Variants in STON1 observed in about 807,000 individuals in gnomAD.
STON1 encodes stonin-1.
In STON1, 79 loss-of-function variants were observed where a neutral mutation model predicts 60.9. The observed-to-expected ratio is 1.30, with a 90% CI of 1.08 to 1.56. The LOEUF is 1.56. Among genes scored for constraint, STON1 ranks in the 40% most tolerant of loss-of-function variants. STON1 has a pLI of 0.00. For synonymous variants in STON1, 363 were observed against 306.9 expected (o/e 1.18, Z -1.91); for missense variants, 1,166 against 858.9 (o/e 1.36, Z -4.47).
At chr2:48,553,020 TC>T (rs1400329484) in intron 1 of STON1, among the ~76,000 whole-genome samples, 1 of 152,124 alleles carries the variant, frequency 6.6e-6, no homozygotes, top group Admixed American at 6.5e-5. Flanking sequence ...CCATGTGGCT[TC>T]TCTATCCAGC....
chr2:48,586,309 G>A (rs1572641747), intron 2 of STON1, among the ~76,000 whole-genome samples: 2 of 152,134 alleles, frequency 1.3e-5, no homozygotes, highest in African/African-American at 4.8e-5. Context: ...GTTCTTCTAG[G>A]TATAGGTTCT....
In STON1 at chr2:48,580,584, C is replaced by G. The variant is rs1673813321; in HGVS notation, c.-47-3C>G. The G allele has an allele frequency of 2.3e-6, 3 of 1,317,084 alleles. No homozygotes were observed. The highest frequency in any genetic ancestry group is 2.0e-6 in the Non-Finnish European group (2 of 1,024,466). 81.6% of individuals were successfully genotyped at this position (1,317,084 alleles called of 1,614,324 possible). ...TTTTCTCTTTATTTTATTTTTTTAA[C>G]AGAGTCAACCTATTTGATTTCTTGA... On this transcript the variant is annotated splice_polypyrimidine_tract_variant and splice_region_variant and intron_variant, in intron 1 of 3. Transcript: ENST00000404752.
chr2:48,552,609 A>C (rs1459086564), intron 1 of STON1, among the ~76,000 whole-genome samples: 1 of 145,812 alleles, frequency 6.9e-6, no homozygotes, highest in African/African-American at 2.6e-5. Context: ...CTAAAAATAC[A>C]AAAAAAAAAA....
chr2:48,536,547 T>TAA (rs540312014), intron 1 of STON1, among the ~76,000 whole-genome samples: 14 of 102,890 alleles, frequency 1.4e-4, no homozygotes, highest in South Asian at 3.1e-4. Flanking sequence ...GATGCCATCT[T>TAA]AAAAAAAAAA....
chr2:48,545,744 G>T (rs1430340901), intron 1 of STON1, among the ~76,000 whole-genome samples: 1 of 152,180 alleles, frequency 6.6e-6, no homozygotes, highest in Non-Finnish European at 1.5e-5. Context: ...GTCCTTCCCA[G>T]CACTGACCTC....
chr2:48,557,002 A>C (rs1229174639), intron 1 of STON1, among the ~76,000 whole-genome samples: 3 of 70,942 alleles, frequency 4.2e-5, no homozygotes, highest in African/African-American at 1.7e-4. Flanking sequence ...CCTGGACGGC[A>C]CGGCTGCCCG....
intron 1 of STON1, among the ~76,000 whole-genome samples, chr2:48,575,008 C>T (rs1207181760): frequency 6.6e-6 from 1 of 152,228 alleles, no homozygotes; most frequent in East Asian, 1.9e-4. Context: ...CACTGAACAG[C>T]AACTTCCCAT....
At chr2:48,578,647 G>A (rs940487713) in intron 1 of STON1, among the ~76,000 whole-genome samples, 4 of 136,318 alleles carry the variant, frequency 2.9e-5, no homozygotes, top group African/African-American at 1.1e-4. Context: ...GGAGTGCAAT[G>A]GTGCAATCTC....
At chr2:48,564,497 T>TCTTCTTCTTTCTTCTTCTCCTTCTC (rs1672804106) in intron 1 of STON1, among the ~76,000 whole-genome samples, 1 of 23,738 alleles carries the variant, frequency 4.2e-5, no homozygotes, top group Non-Finnish European at 7.8e-5. Flanking sequence ...TTCTTCTTCT[T>TCTTCTTCTTTCTTCTTCTCCTTCTC]CTTCTTCTTC....
chr2:48,558,118 C>G (rs781194072), intron 1 of STON1, among the ~76,000 whole-genome samples: 16 of 152,070 alleles, frequency 1.1e-4, no homozygotes, highest in Non-Finnish European at 8.8e-5. Flanking sequence ...AGCTACTCGG[C>G]AGGCTGAGGC....
At chr2:48,561,803 G>A (rs951482105) in intron 1 of STON1, among the ~76,000 whole-genome samples, 2 of 152,180 alleles carry the variant, frequency 1.3e-5, no homozygotes, top group African/African-American at 4.8e-5. Flanking sequence ...TATTAACCCA[G>A]GTTTTCAGGT....
Position 48,564,502 on chromosome 2 carries a change from T to C in STON1, c.-47-16085T>C, listed in dbSNP as rs1268587024. ...TTCTTTCTTCTTCTTCTTCTTCTTC[T>C]TCTTCTTCTTCTTCTTCTTCTTCTT... is the stretch of plus-strand genomic sequence containing the variant. On this transcript the variant is annotated intron_variant, in intron 1 of 3. Coordinates refer to ENST00000404752, the MANE Select transcript of STON1 (RefSeq NM_006873.4). Among the ~76,000 whole-genome samples, 22 of 22,898 alleles carry C rather than the reference T, an allele frequency of 9.6e-4. 1 individual carries two copies. Among genetic ancestry groups the C allele is most frequent in the Admixed American group, 1.4e-3 (3 of 2,114 alleles). 15.0% of individuals were successfully genotyped at this position (22,898 alleles called of 152,430 possible).
Position 48,580,731 on chromosome 2 carries a change from G to A in STON1, c.98G>A (p.Gly33Asp), listed in dbSNP as rs147930121. Residue 33 changes from glycine to aspartate, a missense_variant, in exon 2 of 4, where the codon GGT (glycine) becomes GAT (aspartate). Transcript: ENST00000404752. ...AAGAATTTTCCTCTGGAGAATCAAG[G>A]TGTCTGTAGACCAAATGGACTGAAG... ...KSKNFPLENQ[G>D]VCRPNGLKLN... 5 of 1,509,394 alleles carry A rather than the reference G, an allele frequency of 3.3e-6. No individual in the cohort carries two copies. The African/African-American group carries it at 4.2e-5, about 13-fold the overall frequency. The allele number at this position is 1,509,394 out of a possible 1,614,324, so 93.5% of individuals were successfully genotyped here.
rs778438073 is a variant in STON1 at position 48,581,206 on chromosome 2, C to G, written c.573C>G (p.Gly191=). The part of the protein sequence containing the change: ...AFSSPFWKDE[G]SDSHFTLDPP... ...CAAGTCCATTTTGGAAAGATGAAGG[C>G]AGTGATTCCCATTTCACCCTTGACC... The change falls in exon 2 of 4, where the codon GGC becomes GGG. Residue 191 remains glycine, a synonymous_variant. Coordinates refer to ENST00000404752, the MANE Select transcript of STON1 (RefSeq NM_006873.4). The G allele has an allele frequency of 2.0e-5, 30 of 1,523,760 alleles. No individual in the cohort carries two copies. The highest frequency in any genetic ancestry group is 2.4e-5 in the Non-Finnish European group (27 of 1,142,274). The allele number at this position is 1,523,760 out of a possible 1,614,324, so 94.4% of individuals were successfully genotyped here.
intron 3 of STON1, among the ~76,000 whole-genome samples, chr2:48,593,907 C>T (rs1168432496): frequency 6.6e-6 from 1 of 152,162 alleles, no homozygotes; most frequent in East Asian, 1.9e-4. Flanking sequence ...GGATGTATTT[C>T]CCCAGCAGGT....
In STON1 at chr2:48,596,858, T is replaced by C. The variant is rs1034472920; in HGVS notation, c.*1556T>C. On this transcript the variant is annotated 3_prime_UTR_variant, in exon 4 of 4. Transcript: ENST00000404752. ...GAATTGTTATTGCTGTTTTTATTTT[T>C]TACTTTTTTTGAGACAGAGTCTCAC... is the stretch of plus-strand genomic sequence containing the variant. 1 of 152,166 alleles carries C rather than the reference T, an allele frequency of 6.6e-6. No individual in the cohort carries two copies. The highest frequency in any genetic ancestry group is 1.5e-5 in the Non-Finnish European group (1 of 68,046). 9.4% of individuals were successfully genotyped at this position (152,166 alleles called of 1,614,324 possible).
intron 1 of STON1, among the ~76,000 whole-genome samples, chr2:48,574,425 A>G (rs539358079): frequency 6.6e-6 from 1 of 152,142 alleles, no homozygotes; most frequent in African/African-American, 2.4e-5. Flanking sequence ...GATAGTTGTG[A>G]TGGTTTCACA....
At chr2:48,591,611 G>T (rs1266420602) in intron 2 of STON1, 42 bp from the exon 3 acceptor site, 1 of 1,601,936 alleles carries the variant, frequency 6.2e-7, no homozygotes, top group East Asian at 2.2e-5. Context: ...ATGTTCAATG[G>T]CCATTAAAAT....
chr2:48,546,328 G>T (rs926690155), intron 1 of STON1, among the ~76,000 whole-genome samples: 20 of 152,250 alleles, frequency 1.3e-4, no homozygotes, highest in Middle Eastern at 3.4e-3. Context: ...CTCCAGCTTG[G>T]CTGTCTCCCT....
Sources: gnomAD v4.1 joint callset for allele counts (sites outside exome capture counted in the v4.1 genomes callset) on GRCh38, gnomAD v4.1.1 for gene constraint, MANE v1.5 for transcripts, NCBI Gene and HGNC (gene_info 2026-07-23, HGNC 2026-07-21) for gene names.